The following GAK variants were observed in gnomAD, a reference collection of about 807,000 sequenced individuals.
GAK encodes the protein cyclin G associated kinase.
A neutral mutation model predicts 143.9 loss-of-function variants in GAK; 79 were observed. The ratio of observed to expected loss-of-function variants is 0.55; its 90% CI spans 0.46 to 0.66. The LOEUF (loss-of-function observed/expected upper bound fraction) is 0.66. GAK is among the 30% of genes least tolerant of loss of function. GAK has a pLI of 0.00. For synonymous variants in GAK, 881 were observed against 765.5 expected, an observed-to-expected ratio of 1.15 and a Z score of -2.49; for missense variants, 1,693 against 1,779.7, an observed-to-expected ratio of 0.95 and a Z score of 0.88.
Position 917,848 on chromosome 4 carries a change from G to T in GAK, c.146-4180C>A, listed in dbSNP as rs1399654184. On this transcript the variant is annotated intron_variant, in intron 1 of 27. Coordinates refer to ENST00000314167, the MANE Select transcript of GAK (RefSeq NM_005255.4). ...AAATAAATCTGTGAGGAAAAACACA[G>T]ATGAAAGGAAGTAAATGGAAATCCA... 1.6e-4 allele frequency among the ~76,000 whole-genome samples: 24 copies of T among 152,198 alleles called. 1 individual carries two copies. The highest frequency in any genetic ancestry group is 1.6e-3 in the Admixed American group (24 of 15,280).
intron 11 of GAK, 54 bp from the exon 12 acceptor site, chr4:884,140 G>T: frequency 6.6e-7 from 1 of 1,519,096 alleles, no homozygotes; most frequent in Non-Finnish European, 9.1e-7. Context: ...CCGCAGTTAG[G>T]TCACAGGGCT....
At chr4:890,002 C>T (rs549933513) in intron 10 of GAK, among the ~76,000 whole-genome samples, 1 of 152,326 alleles carries the variant, frequency 6.6e-6, no homozygotes, top group South Asian at 2.1e-4. Context: ...ATGCCTGCTC[C>T]TGCCCCCTGG....
intron 11 of GAK, chr4:888,348 G>A (rs1716948483): frequency 6.4e-6 from 1 of 155,726 alleles, no homozygotes; most frequent in Non-Finnish European, 1.4e-5. Context: ...TCCGTGAGCA[G>A]AGGCTGCCGG....
At chr4:887,623 G>A (rs1400187168) in intron 11 of GAK, 1 of 148,740 alleles carries the variant, frequency 6.7e-6, no homozygotes, top group East Asian at 2.0e-4. Flanking sequence ...TCGCGCGCAT[G>A]CGTACACATG....
At chr4:849,833 G>GGGGCGCCCCCCCCC in intron 27 of GAK, 59 bp from the exon 28 acceptor site, 1 of 1,190,154 alleles carries the variant, frequency 8.4e-7, no homozygotes, top group Non-Finnish European at 1.2e-6. Context: ...GGCGGGGCAG[G>GGGGCGCCCCCCCCC]ACCCCCCCCC....
At chr4:922,693 G>A (rs1443663685) in intron 1 of GAK, among the ~76,000 whole-genome samples, 2 of 152,048 alleles carry the variant, frequency 1.3e-5, no homozygotes, top group Non-Finnish European at 2.9e-5. Context: ...AGGCTGATAC[G>A]CTCCTACATT....
At chr4:904,334 G>A (rs1465730829) in intron 5 of GAK, among the ~76,000 whole-genome samples, 1 of 109,620 alleles carries the variant, frequency 9.1e-6, no homozygotes, top group Non-Finnish European at 1.9e-5. Flanking sequence ...GATGATGGGC[G>A]GCTCCTAACC....
intron 21 of GAK, 91 bp downstream of exon 21, chr4:866,865 C>G: frequency 9.9e-7 from 1 of 1,012,864 alleles, no homozygotes; most frequent in Non-Finnish European, 1.4e-6. Flanking sequence ...TTCCTGCAAG[C>G]ACCTTCGAAA....
At chr4:888,377 G>A (rs2152838640) in intron 11 of GAK, 1 of 155,960 alleles carries the variant, frequency 6.4e-6, no homozygotes, top group East Asian at 1.9e-4. Flanking sequence ...GCCGATGTCG[G>A]GGCCACCCCC....
chr4:909,266 C>T (rs1454499850), intron 4 of GAK, among the ~76,000 whole-genome samples: 2 of 152,266 alleles, frequency 1.3e-5, no homozygotes, highest in African/African-American at 4.8e-5. Context: ...AAATCTTAAT[C>T]CCACTGGTTT....
chr4:928,688 C>A (rs1725216444), intron 1 of GAK, among the ~76,000 whole-genome samples: 1 of 152,186 alleles, frequency 6.6e-6, no homozygotes, highest in Admixed American at 6.5e-5. Context: ...CTTGCTTGTA[C>A]CACATGATTC....
At chr4:872,040 G>A (rs1048387327) in intron 18 of GAK, among the ~76,000 whole-genome samples, 2 of 152,228 alleles carry the variant, frequency 1.3e-5, no homozygotes, top group Non-Finnish European at 2.9e-5. Flanking sequence ...GCAGGGCCAG[G>A]AACACCCAGA....
intron 1 of GAK, among the ~76,000 whole-genome samples, chr4:923,971 G>C (rs886306042): frequency 6.6e-6 from 1 of 152,080 alleles, no homozygotes; most frequent in Non-Finnish European, 1.5e-5. Flanking sequence ...GGTGACCTGA[G>C]GTCAGGAGTT....
intron 1 of GAK, among the ~76,000 whole-genome samples, chr4:924,865 T>C (rs909261896): frequency 2.7e-5 from 4 of 148,490 alleles, no homozygotes; most frequent in African/African-American, 5.1e-5. Flanking sequence ...GTGAGTGCTC[T>C]CCTGTGAGAT....
intron 4 of GAK, among the ~76,000 whole-genome samples, chr4:908,706 T>C (rs1721514869): frequency 6.6e-6 from 1 of 152,180 alleles, no homozygotes. Flanking sequence ...GAGGACTGCT[T>C]GAGCCCAGGA....
chr4:903,737 G>A (rs1420671181), intron 5 of GAK, among the ~76,000 whole-genome samples: 7 of 151,872 alleles, frequency 4.6e-5, no homozygotes, highest in South Asian at 2.1e-4. Flanking sequence ...GGAGTGTGGG[G>A]TGAGCAGGAA....
intron 5 of GAK, 84 bp downstream of exon 5, chr4:904,553 G>A (rs1443032055): frequency 2.2e-6 from 3 of 1,389,628 alleles, no homozygotes; most frequent in Non-Finnish European, 2.9e-6. Flanking sequence ...CTACCTTGAG[G>A]TCCCTGTGGA....
At position 898,035 on chromosome 4, in the gene GAK, C is replaced by A. The variant is rs1357888855; in HGVS notation, c.649G>T (p.Glu217Ter). 1 of 1,612,372 alleles carries A rather than the reference C, an allele frequency of 6.2e-7. No individual in the cohort carries two copies. The highest frequency in any genetic ancestry group is 1.3e-5 in the African/African-American group (1 of 74,940). The change falls in exon 6 of 28, where the codon GAG becomes TAG. Residue 217 changes from glutamate (E) to a stop codon, truncating the protein, a stop_gained and splice_region_variant. Coordinates refer to ENST00000314167, the MANE Select transcript of GAK (RefSeq NM_005255.4). LOFTEE classifies it high-confidence loss of function. ...AGCATAGGCCCCACTCAGCTCACCT[C>A]TTCCTCCACCAGGGCTCGCCTCTGG... is the stretch of plus-strand genomic sequence containing the variant. ...SAQRRALVEE[E>*]ITRNTTPMYR...
chr4:902,596 C>CAAAAA (rs768017849), intron 5 of GAK, among the ~76,000 whole-genome samples: 12 of 60,726 alleles, frequency 2.0e-4, no homozygotes, highest in Non-Finnish European at 2.2e-4. Flanking sequence ...GTGACTGACT[C>CAAAAA]AAAAAAAAAA....
Sources: gnomAD v4.1 joint callset for allele counts (sites outside exome capture counted in the v4.1 genomes callset) on GRCh38, gnomAD v4.1.1 for gene constraint, MANE v1.5 for transcripts, NCBI Gene and HGNC (gene_info 2026-07-23, HGNC 2026-07-21) for gene names.